Variants in LIPK observed in about 807,000 individuals in gnomAD.
LIPK encodes lipase member K.
LIPK carries 32 observed loss-of-function variants against 48.6 expected under a neutral mutation model. That is an observed-to-expected ratio of 0.66 (90% CI 0.50 to 0.88). The LOEUF is 0.88. Among genes scored for constraint, LIPK ranks in the 40% least tolerant of loss-of-function variants. The pLI, the probability that LIPK is intolerant of heterozygous loss-of-function variation, is 0.00. For synonymous variants in LIPK, 164 were observed against 157.4 expected (o/e 1.04, Z -0.32); for missense variants, 507 against 478.5 (o/e 1.06, Z -0.56).
At chr10:88,727,131 C>T (rs1490559011) in intron 3 of LIPK, among the ~76,000 whole-genome samples, 1 of 152,194 alleles carries the variant, frequency 6.6e-6, no homozygotes, top group Admixed American at 6.5e-5. Flanking sequence ...TTCTTCATGA[C>T]TTTGTCTTCC....
intron 1 of LIPK, among the ~76,000 whole-genome samples, chr10:88,723,472 T>G (rs181320344): frequency 6.6e-6 from 1 of 152,308 alleles, no homozygotes; most frequent in Non-Finnish European, 1.5e-5. Context: ...TGAAGATCTG[T>G]ATTTTATAAG....
intron 2 of LIPK, among the ~76,000 whole-genome samples, chr10:88,726,396 C>T (rs1842338659): frequency 6.6e-6 from 1 of 152,188 alleles, no homozygotes; most frequent in Non-Finnish European, 1.5e-5. Context: ...ATTTAAAGTA[C>T]TACATTGTGG....
intron 1 of LIPK, among the ~76,000 whole-genome samples, chr10:88,723,132 G>A (rs552502016): frequency 7.2e-5 from 11 of 152,058 alleles, no homozygotes; most frequent in South Asian, 6.2e-4. Context: ...TGATCAGCCC[G>A]TCTCAGCCTT....
intron 8 of LIPK, among the ~76,000 whole-genome samples, chr10:88,741,675 T>G (rs957577690): frequency 4.6e-5 from 7 of 152,058 alleles, no homozygotes; most frequent in Admixed American, 4.6e-4. Flanking sequence ...AAGGCAAGAG[T>G]GATGATCATG....
intron 7 of LIPK, 144 bp downstream of exon 7, chr10:88,737,925 A>C (rs539661030): frequency 1.2e-6 from 1 of 811,226 alleles, no homozygotes; most frequent in East Asian, 2.5e-5. Flanking sequence ...GCTTCCAATG[A>C]GGGTTGAGAG....
At chr10:88,747,681 G>T (rs1467866793) in intron 9 of LIPK, among the ~76,000 whole-genome samples, 2 of 152,104 alleles carry the variant, frequency 1.3e-5, no homozygotes, top group Non-Finnish European at 2.9e-5. Flanking sequence ...GATCATCAGA[G>T]AAATGAAAAT....
intron 1 of LIPK, among the ~76,000 whole-genome samples, 121 bp downstream of exon 1, chr10:88,706,441 G>C (rs1841936657): frequency 6.6e-6 from 1 of 152,134 alleles, no homozygotes. Context: ...ATTCTATCAG[G>C]TTAAGCAAGA....
chr10:88,733,906 T>G (rs1432995805), intron 6 of LIPK, among the ~76,000 whole-genome samples: 1 of 152,204 alleles, frequency 6.6e-6, no homozygotes, highest in South Asian at 2.1e-4. Flanking sequence ...AACTAGGGTG[T>G]ATGTGAGAGT....
In LIPK at chr10:88,709,446, C is replaced by G. The variant is rs573647406; in HGVS notation, c.-12+3126C>G. On this transcript the variant is annotated intron_variant, in intron 1 of 9. Transcript: ENST00000404190. Reference sequence around the variant, plus strand: ...CTATCCTTCTCCTTGTCCCCCACCCCCCGACAGGCCCCAGTGTGTGATGTT... The same window carrying G: ...CTATCCTTCTCCTTGTCCCCCACCCGCCGACAGGCCCCAGTGTGTGATGTT... 6.6e-5 allele frequency among the ~76,000 whole-genome samples: 10 copies of G among 152,130 alleles called. No homozygotes were observed. The East Asian group carries it at 9.6e-4, about 15-fold the overall frequency.
chr10:88,710,006 A>G (rs925298916), intron 1 of LIPK, among the ~76,000 whole-genome samples: 8 of 152,032 alleles, frequency 5.3e-5, no homozygotes, highest in East Asian at 1.9e-4. Flanking sequence ...TACTCTATAG[A>G]CTATTGGTAT....
At chr10:88,724,415 G>A in intron 1 of LIPK, 118 bp from the exon 2 acceptor site, 1 of 642,832 alleles carries the variant, frequency 1.6e-6, no homozygotes, top group Non-Finnish European at 2.7e-6. Flanking sequence ...ACTGGTTAAA[G>A]CACAGCCTAG....
chr10:88,741,080 T>C (rs992189535), intron 8 of LIPK, among the ~76,000 whole-genome samples: 13 of 152,204 alleles, frequency 8.5e-5, no homozygotes, highest in Admixed American at 7.9e-4. Context: ...TATTGAGCAC[T>C]TAATATATGC....
In LIPK at chr10:88,751,762, T is replaced by G. The variant is rs537232060; in HGVS notation, c.961-755T>G. On this transcript the variant is annotated intron_variant, in intron 9 of 9. Transcript: ENST00000404190. ...GGTGACTAGGTTTACTTAGTTCATA[T>G]AGTTTTTCCAAAGGCCCCCTAACCC... Among the ~76,000 whole-genome samples, 3 of 152,280 alleles carry G rather than the reference T, an allele frequency of 2.0e-5. No individual in the cohort carries two copies. The South Asian group carries it at 6.2e-4, about 32-fold the overall frequency.
intron 1 of LIPK, among the ~76,000 whole-genome samples, chr10:88,721,156 C>G (rs1014706649): frequency 4.7e-5 from 7 of 149,978 alleles, no homozygotes; most frequent in Admixed American, 3.3e-4. Context: ...ATATATGAAA[C>G]AGGATATAAG....
intron 1 of LIPK, among the ~76,000 whole-genome samples, chr10:88,723,976 A>G (rs987760000): frequency 1.3e-5 from 2 of 152,166 alleles, no homozygotes; most frequent in African/African-American, 4.8e-5. Flanking sequence ...TTACTGTCTT[A>G]AGATATATAA....
Position 88,711,573 on chromosome 10 carries a change from A to C in LIPK, c.-12+5253A>C, listed in dbSNP as rs543044949. Among the ~76,000 whole-genome samples the C allele has an allele frequency of 3.3e-5, 5 of 152,248 alleles. No individual in the cohort carries two copies. In the South Asian group the frequency reaches 1.0e-3, roughly 32 times the overall value. ...CTGCAACCTCCACCTCCTGGGTTCA[A>C]GTGATTATCATATCTCAGCCTCCTA... On this transcript the variant is annotated intron_variant, in intron 1 of 9. Transcript: ENST00000404190.
rs773229315 is a variant in LIPK, at chr10:88,752,686, T to C, written c.1130T>C (p.Leu377Pro). The change falls in exon 10 of 10, where the codon CTT (leucine) becomes CCT (proline). Residue 377 changes from leucine (L) to proline (P), a missense_variant. Physicochemically the swap from Leu to Pro is moderately conservative, Grantham distance 98. Transcript: ENST00000404190. Reference sequence around the variant, plus strand: ...CACTACAATCATGTGGATTTTTACCTTGGAGAGGATGCACCTCAGGAAATT... The same window carrying C: ...CACTACAATCATGTGGATTTTTACCCTGGAGAGGATGCACCTCAGGAAATT... ...IPHYNHVDFY[L>P]GEDAPQEIYQ... 13 of 1,576,864 alleles carry C rather than the reference T, an allele frequency of 8.2e-6. No individual in the cohort carries two copies. Among genetic ancestry groups the C allele is most frequent in the Admixed American group, 3.7e-5 (2 of 54,760 alleles).
At chr10:88,718,712 G>A (rs1352995231) in intron 1 of LIPK, among the ~76,000 whole-genome samples, 1 of 151,960 alleles carries the variant, frequency 6.6e-6, no homozygotes, top group Non-Finnish European at 1.5e-5. Context: ...AACAGATATT[G>A]TTCAAATTCT....
At chr10:88,749,881 G>T (rs1262447404) in intron 9 of LIPK, among the ~76,000 whole-genome samples, 1 of 152,062 alleles carries the variant, frequency 6.6e-6, no homozygotes, top group African/African-American at 2.4e-5. Context: ...CTAAGAATAA[G>T]AGAAAACATT....
Sources: allele counts gnomAD v4.1 joint callset (sites outside exome capture counted in the v4.1 genomes callset), GRCh38; gene constraint gnomAD v4.1.1; transcripts MANE v1.5; gene names NCBI Gene and HGNC (gene_info 2026-07-23, HGNC 2026-07-21).